The following FUT9 variants were observed in gnomAD, a reference collection of about 807,000 sequenced individuals.
FUT9 encodes the protein fucosyltransferase 9.
A neutral mutation model predicts 29.7 loss-of-function variants in FUT9; 15 were observed. The observed-to-expected ratio is 0.51, with a 90% CI of 0.34 to 0.78. FUT9 has a LOEUF of 0.78. Ranked by LOEUF, FUT9 falls within the 30% of genes least tolerant of loss-of-function variation. The pLI is 0.01. For missense variants in FUT9, 319 were observed against 425.4 expected, an observed-to-expected ratio of 0.75 and a Z score of 2.20; for synonymous variants, 169 against 153.7, an observed-to-expected ratio of 1.10 and a Z score of -0.74.
chr6:96,069,619 ATTTT>A lies in FUT9; in HGVS notation c.-97-44416_-97-44413del, dbSNP rs746359558. 3.5e-3 allele frequency among the ~76,000 whole-genome samples: 358 copies of A among 103,694 alleles called. 1 individual carries two copies. Among genetic ancestry groups the A allele is most frequent in the African/African-American group, 0.01 (307 of 30,302 alleles). The allele number at this position is 103,694 out of a possible 152,430, so 68.0% of individuals were successfully genotyped here. A position where few individuals can be genotyped will look rare whatever the true frequency, so the allele number is the denominator to read the frequency against. On this transcript the variant is annotated intron_variant, in intron 1 of 2. Coordinates refer to ENST00000302103, the MANE Select transcript of FUT9 (RefSeq NM_006581.4). Reference sequence around the variant, plus strand: ...AAACAGAACAAACTATTATTTTTTTATTTTTTTATTTTTTATTTTATTTTTTTGA... The same window carrying A: ...AAACAGAACAAACTATTATTTTTTTATTTATTTTTTATTTTATTTTTTTGA...
chr6:96,200,354 C>G (rs919887068), intron 2 of FUT9, among the ~76,000 whole-genome samples: 1 of 152,104 alleles, frequency 6.6e-6, no homozygotes, highest in Non-Finnish European at 1.5e-5. Context: ...GGATTATTCA[C>G]GTTTGTATTA....
At chr6:96,083,425 T>G (rs1431635221) in intron 1 of FUT9, among the ~76,000 whole-genome samples, 1 of 152,100 alleles carries the variant, frequency 6.6e-6, no homozygotes, top group African/African-American at 2.4e-5. Flanking sequence ...ATTTACTTAT[T>G]CTATTCTGTT....
intron 2 of FUT9, among the ~76,000 whole-genome samples, chr6:96,200,170 A>G (rs911284003): frequency 6.6e-6 from 1 of 152,160 alleles, no homozygotes; most frequent in Non-Finnish European, 1.5e-5. Context: ...ATAAGTTAAT[A>G]TAAGTGCTCA....
chr6:96,066,430 T>C (rs9390812), intron 1 of FUT9, among the ~76,000 whole-genome samples: 150,830 of 152,128 alleles, frequency 0.99, 74,786 homozygotes, highest in Middle Eastern at 1. Context: ...CTCTACACAT[T>C]GTCCTCTGTG....
intron 1 of FUT9, among the ~76,000 whole-genome samples, chr6:96,048,701 G>T (rs2127937035): frequency 6.6e-6 from 1 of 152,274 alleles, no homozygotes; most frequent in African/African-American, 2.4e-5. Context: ...ATCGGCAGTG[G>T]ATGCTTTGAT....
At chr6:96,062,172 C>A (rs1770886319) in intron 1 of FUT9, among the ~76,000 whole-genome samples, 1 of 151,276 alleles carries the variant, frequency 6.6e-6, no homozygotes, top group Admixed American at 6.6e-5. Context: ...ATGTGTATCT[C>A]AGAACTTAAA....
In FUT9 at chr6:96,028,919, C is replaced by T. The variant is rs757858456; in HGVS notation, c.-98+12707C>T. Among the ~76,000 whole-genome samples, 16 of 151,514 alleles carry T rather than the reference C, an allele frequency of 1.1e-4. 1 individual carries two copies. The highest frequency in any genetic ancestry group is 1.9e-4 in the Non-Finnish European group (13 of 67,688). On this transcript the variant is annotated intron_variant, in intron 1 of 2. Coordinates refer to ENST00000302103, the MANE Select transcript of FUT9 (RefSeq NM_006581.4). The stretch of plus-strand genomic sequence containing the variant: ...AAAATTTTTTCCACAAGAATTAAAA[C>T]TCATGAACAGGAGGAGTTCTTCTTT...
At chr6:96,071,911 A>G (rs1771069779) in intron 1 of FUT9, among the ~76,000 whole-genome samples, 1 of 152,180 alleles carries the variant, frequency 6.6e-6, no homozygotes, top group African/African-American at 2.4e-5. Context: ...CTTGGATTAT[A>G]GGCGTGAGCC....
At chr6:96,187,182 C>G (rs1214690152) in intron 2 of FUT9, among the ~76,000 whole-genome samples, 1 of 152,098 alleles carries the variant, frequency 6.6e-6, no homozygotes, top group Non-Finnish European at 1.5e-5. Flanking sequence ...GCCCTGTAAA[C>G]TGGACTAAAG....
At chr6:96,116,492 G>A (rs1054024435) in intron 2 of FUT9, among the ~76,000 whole-genome samples, 14 of 152,256 alleles carry the variant, frequency 9.2e-5, no homozygotes, top group African/African-American at 3.4e-4. Flanking sequence ...AATATTTACA[G>A]AAAATTTGAT....
intron 2 of FUT9, among the ~76,000 whole-genome samples, chr6:96,183,531 G>A (rs1281291407): frequency 6.6e-6 from 1 of 152,054 alleles, no homozygotes; most frequent in East Asian, 1.9e-4. Context: ...AGTTCTCAGA[G>A]GGAATGCTTT....
At chr6:96,039,949 AT>A (rs58088819) in intron 1 of FUT9, among the ~76,000 whole-genome samples, 33 of 150,894 alleles carry the variant, frequency 2.2e-4, no homozygotes, top group African/African-American at 5.1e-4. Flanking sequence ...AATTCAAACT[AT>A]TTTTTTTTCT....
chr6:96,056,502 T>A (rs1770770885), intron 1 of FUT9, among the ~76,000 whole-genome samples: 1 of 152,200 alleles, frequency 6.6e-6, no homozygotes, highest in African/African-American at 2.4e-5. Context: ...CAAGACCTTT[T>A]TCCATGACTA....
chr6:96,199,854 C>T (rs1444895218), intron 2 of FUT9, among the ~76,000 whole-genome samples: 1 of 152,140 alleles, frequency 6.6e-6, no homozygotes, highest in Non-Finnish European at 1.5e-5. Flanking sequence ...AGACATACAG[C>T]ATTTATTAAG....
chr6:96,048,133 A>T (rs188579973), intron 1 of FUT9, among the ~76,000 whole-genome samples: 43 of 152,272 alleles, frequency 2.8e-4, no homozygotes, highest in African/African-American at 9.6e-4. Flanking sequence ...TCCTCTGACC[A>T]CAGCAAGTAA....
At chr6:96,032,064 TTA>T (rs1286617873) in intron 1 of FUT9, among the ~76,000 whole-genome samples, 1 of 151,636 alleles carries the variant, frequency 6.6e-6, no homozygotes, top group Non-Finnish European at 1.5e-5. Context: ...TGTACCTATG[TTA>T]TGTTTTCAGT....
At chr6:96,104,638 C>T (rs1582232497) in intron 1 of FUT9, among the ~76,000 whole-genome samples, 2 of 152,284 alleles carry the variant, frequency 1.3e-5, no homozygotes. Flanking sequence ...TCATGCCATT[C>T]TCCTGCCTCA....
chr6:96,088,571 TGC>T (rs766274896), intron 1 of FUT9, among the ~76,000 whole-genome samples: 1 of 148,298 alleles, frequency 6.7e-6, no homozygotes, highest in Non-Finnish European at 1.5e-5. Flanking sequence ...TGTGTGTGCG[TGC>T]GCGCGCGTGC....
At chr6:96,173,481 A>G (rs1248328846) in intron 2 of FUT9, among the ~76,000 whole-genome samples, 1 of 152,110 alleles carries the variant, frequency 6.6e-6, no homozygotes, top group Admixed American at 6.6e-5. Flanking sequence ...AATGTATCAC[A>G]CATCGTCATA....
Sources: gnomAD v4.1 joint callset for allele counts (sites outside exome capture counted in the v4.1 genomes callset) on GRCh38, gnomAD v4.1.1 for gene constraint, MANE v1.5 for transcripts, NCBI Gene and HGNC (gene_info 2026-07-23, HGNC 2026-07-21) for gene names.